Variants in NDUFAF6 observed in about 807,000 individuals in gnomAD.
NDUFAF6 encodes the protein NADH dehydrogenase (ubiquinone) complex I, assembly factor 6.
NDUFAF6 carries 45 observed loss-of-function variants against 40.8 expected under a neutral mutation model. The ratio of observed to expected loss-of-function variants is 1.10; its 90% CI spans 0.87 to 1.42. NDUFAF6 has a LOEUF of 1.42. Among genes scored for constraint, NDUFAF6 ranks in the 40% most tolerant of loss-of-function variants. NDUFAF6 has a pLI of 0.00. For synonymous variants in NDUFAF6, 185 were observed against 155.9 expected (o/e 1.19, Z -1.39); for missense variants, 435 against 418.5 (o/e 1.04, Z -0.34).
At chr8:95,025,266 G>A in intron 1 of NDUFAF6, 61 bp downstream of exon 1, 1 of 1,338,104 alleles carries the variant, frequency 7.5e-7, no homozygotes, top group Non-Finnish European at 9.5e-7. Context: ...GGGAGCGGCT[G>A]CGCCTCGCGT....
At chr8:95,053,549 C>T (rs575760761) in intron 8 of NDUFAF6, among the ~76,000 whole-genome samples, 8 of 152,240 alleles carry the variant, frequency 5.3e-5, no homozygotes, top group East Asian at 3.9e-4. Context: ...TTGGCCTCCC[C>T]GTTCCAGACC....
At chr8:95,053,923 G>A (rs28557053) in intron 8 of NDUFAF6, among the ~76,000 whole-genome samples, 1,491 of 123,670 alleles carry the variant, frequency 0.012, 23 homozygotes, top group African/African-American at 0.043. Flanking sequence ...CACCGTGCCC[G>A]GCTTTTTTTT....
chr8:95,074,102 G>T (rs1587238674), intron 9 of NDUFAF6, among the ~76,000 whole-genome samples: 1 of 152,216 alleles, frequency 6.6e-6, no homozygotes, highest in South Asian at 2.1e-4. Context: ...ATGGAACAAG[G>T]TTGGCTATGA....
chr8:95,068,363 G>A (rs978584415), intron 9 of NDUFAF6: 3 of 151,896 alleles, frequency 2.0e-5, no homozygotes, highest in African/African-American at 7.3e-5. Flanking sequence ...TGAATAGTTG[G>A]CTTCATGTTT....
At chr8:95,008,975 T>A in intron 2 of NDUFAF6, among the ~76,000 whole-genome samples, 1 of 151,880 alleles carries the variant, frequency 6.6e-6, no homozygotes, top group Non-Finnish European at 1.5e-5. Flanking sequence ...AGTGGGAGGA[T>A]CAGTTGAGGC....
At chr8:95,005,966 A>T (rs1586950547) in intron 2 of NDUFAF6, among the ~76,000 whole-genome samples, 2 of 152,018 alleles carry the variant, frequency 1.3e-5, no homozygotes, top group Admixed American at 1.3e-4. Flanking sequence ...AATTCAAATG[A>T]TGACCTCTAT....
chr8:95,098,886 C>T (rs1243038975), upstream of NDUFAF6, among the ~76,000 whole-genome samples: 1 of 152,108 alleles, frequency 6.6e-6, no homozygotes, highest in Non-Finnish European at 1.5e-5. Context: ...CGCCCCACTA[C>T]ACTCCAGCCT....
chr8:94,910,529 C>T (rs1006781047), intron 1 of NDUFAF6, among the ~76,000 whole-genome samples: 1 of 152,174 alleles, frequency 6.6e-6, no homozygotes, highest in Admixed American at 6.5e-5. Flanking sequence ...GATACCTCCT[C>T]GTGTAGACCC....
intron 1 of NDUFAF6, among the ~76,000 whole-genome samples, chr8:94,959,888 G>A (rs541427896): frequency 5.3e-5 from 8 of 152,074 alleles, no homozygotes; most frequent in East Asian, 1.9e-4. Flanking sequence ...CCCCAGTTTC[G>A]GATGTTTACA....
intron 1 of NDUFAF6, among the ~76,000 whole-genome samples, chr8:94,909,751 C>T (rs558656984): frequency 1.3e-3 from 204 of 151,470 alleles, no homozygotes; most frequent in African/African-American, 4.7e-3. Context: ...ATAGTGAGAC[C>T]TCATCTCTAA....
chr8:94,909,703 G>A (rs1352275073), intron 1 of NDUFAF6, among the ~76,000 whole-genome samples: 1 of 151,706 alleles, frequency 6.6e-6, no homozygotes, highest in Non-Finnish European at 1.5e-5. Flanking sequence ...AGGTGGGTGG[G>A]TCACTTCGCC....
intron 2 of NDUFAF6, among the ~76,000 whole-genome samples, chr8:94,995,943 A>G (rs1050773288): frequency 3.9e-5 from 6 of 152,120 alleles, no homozygotes; most frequent in African/African-American, 1.4e-4. Context: ...ACGCCCAGCC[A>G]ATTTTTGTAC....
intron 1 of NDUFAF6, among the ~76,000 whole-genome samples, chr8:94,940,445 CTGTGTG>C (rs60473555): frequency 0.62 from 92,694 of 150,374 alleles, 29,347 homozygotes; most frequent in East Asian, 0.78. Context: ...CACAGAAATT[CTGTGTG>C]TGTGTGTGTG....
chr8:95,095,560 G>A (rs1430250776), upstream of NDUFAF6, among the ~76,000 whole-genome samples: 2 of 152,022 alleles, frequency 1.3e-5, no homozygotes, highest in African/African-American at 4.8e-5. Context: ...AAATTCCCTG[G>A]GGCTGATTGC....
chr8:95,055,427 A>T (rs1831999014), intron 8 of NDUFAF6: 1 of 152,220 alleles, frequency 6.6e-6, no homozygotes, highest in Non-Finnish European at 1.5e-5. Context: ...ATGTTAGTGT[A>T]CTGTTTATTG....
chr8:95,052,555 A>G (rs1380469486), intron 8 of NDUFAF6, among the ~76,000 whole-genome samples: 1 of 152,192 alleles, frequency 6.6e-6, no homozygotes, highest in African/African-American at 2.4e-5. Context: ...AATGGGAATA[A>G]TAGGAGAAAC....
intron 1 of NDUFAF6, among the ~76,000 whole-genome samples, chr8:94,919,185 T>A (rs1819331274): frequency 6.6e-6 from 1 of 152,112 alleles, no homozygotes; most frequent in African/African-American, 2.4e-5. Context: ...TACTTGACTT[T>A]TTTTTTTCCT....
intron 9 of NDUFAF6, among the ~76,000 whole-genome samples, chr8:95,074,367 G>A (rs182218810): frequency 6.6e-6 from 1 of 152,138 alleles, no homozygotes; most frequent in African/African-American, 2.4e-5. Flanking sequence ...TGTGTGGCTC[G>A]TGTGCTCTCA....
chr8:94,964,763 C>T (rs1823874274), intron 1 of NDUFAF6, among the ~76,000 whole-genome samples: 1 of 152,218 alleles, frequency 6.6e-6, no homozygotes, highest in Admixed American at 6.5e-5. Context: ...AAATATCTCC[C>T]ACTGAGCCCC....
Sources: gnomAD v4.1 joint callset for allele counts (sites outside exome capture counted in the v4.1 genomes callset) on GRCh38, gnomAD v4.1.1 for gene constraint, MANE v1.5 for transcripts, NCBI Gene and HGNC (gene_info 2026-07-23, HGNC 2026-07-21) for gene names.